The following TMEM123 variants were observed in gnomAD, a reference collection of about 807,000 sequenced individuals.
TMEM123 encodes the protein transmembrane protein 123.
In TMEM123, 16 loss-of-function variants were observed where a neutral mutation model predicts 19.7. That is an observed-to-expected ratio of 0.81 (90% confidence interval 0.55 to 1.23). The LOEUF is 1.23. Among genes scored for constraint, TMEM123 ranks in the 50% most tolerant of loss-of-function variants. The pLI is 0.00. For synonymous variants in TMEM123, 118 were observed against 99.4 expected (o/e 1.19, Z -1.12); for missense variants, 313 against 257.8 (o/e 1.21, Z -1.47).
chr11:102,405,881 A>G (rs1475415366), intron 2 of TMEM123, among the ~76,000 whole-genome samples: 1 of 152,248 alleles, frequency 6.6e-6, no homozygotes, highest in Non-Finnish European at 1.5e-5. Flanking sequence ...AACAGGCAAA[A>G]GGAAATTTTG....
At position 102,398,657 on chromosome 11, in the gene TMEM123, C is replaced by T. The variant is rs1204078264; in HGVS notation, c.*210G>A. ...GAACTTGCTAAAACCATTGTATGAA[C>T]GGTCTATAAGGATCCAGATGTTTAT... On this transcript the variant is annotated 3_prime_UTR_variant, in exon 5 of 5. Coordinates refer to ENST00000398136, the MANE Select transcript of TMEM123 (RefSeq NM_052932.3). 1.8e-4 allele frequency: 72 copies of T among 406,702 alleles called. No individual in the cohort carries two copies. The highest frequency in any genetic ancestry group is 2.2e-4 in the Non-Finnish European group (58 of 260,906). The allele number at this position is 406,702 out of a possible 1,614,324, so 25.2% of individuals were successfully genotyped here.
At chr11:102,437,791 G>A (rs1436749755) in intron 2 of TMEM123, among the ~76,000 whole-genome samples, 2 of 152,038 alleles carry the variant, frequency 1.3e-5, no homozygotes, top group African/African-American at 4.8e-5. Flanking sequence ...TGTCTGCTGG[G>A]GCCTGCTCTG....
intron 2 of TMEM123, among the ~76,000 whole-genome samples, chr11:102,448,557 A>C (rs1857906890): frequency 6.6e-6 from 1 of 152,234 alleles, no homozygotes; most frequent in African/African-American, 2.4e-5. Flanking sequence ...TCAAAAATTC[A>C]TAACATGAAA....
intron 2 of TMEM123, among the ~76,000 whole-genome samples, chr11:102,420,343 T>C (rs145350341): frequency 3.3e-4 from 50 of 152,370 alleles, no homozygotes; most frequent in African/African-American, 9.9e-4. Flanking sequence ...TGTCTAGGCA[T>C]AGATCTGACC....
chr11:102,405,055 C>CTT (rs564579359), intron 2 of TMEM123, among the ~76,000 whole-genome samples: 13 of 144,480 alleles, frequency 9.0e-5, no homozygotes, highest in African/African-American at 2.8e-4. Context: ...TTTCTTTTTT[C>CTT]TTTTTTTTTT....
At chr11:102,407,212 C>A (rs1042442225) in intron 2 of TMEM123, among the ~76,000 whole-genome samples, 1 of 152,228 alleles carries the variant, frequency 6.6e-6, no homozygotes, top group Non-Finnish European at 1.5e-5. Flanking sequence ...AGCTTTGCCA[C>A]TGCAAGGCTT....
chr11:102,419,696 C>A (rs985387031), intron 2 of TMEM123, among the ~76,000 whole-genome samples: 2 of 152,162 alleles, frequency 1.3e-5, no homozygotes, highest in African/African-American at 2.4e-5. Flanking sequence ...GAATAAGGAA[C>A]AGATTTATTT....
chr11:102,420,976 G>A (rs1277881348), intron 2 of TMEM123, among the ~76,000 whole-genome samples: 2 of 152,218 alleles, frequency 1.3e-5, no homozygotes, highest in African/African-American at 4.8e-5. Context: ...GAACTCAGGA[G>A]GCGGAGGTTG....
At chr11:102,429,336 CT>C (rs1374887074) in intron 2 of TMEM123, among the ~76,000 whole-genome samples, 2 of 152,188 alleles carry the variant, frequency 1.3e-5, no homozygotes, top group African/African-American at 4.8e-5. Context: ...TCTTCCTGCT[CT>C]TTTCTCTTCT....
Position 102,435,471 on chromosome 11 carries a change from C to A in TMEM123, c.157+13341G>T, listed in dbSNP as rs182568484. On this transcript the variant is annotated intron_variant, in intron 2 of 4. Coordinates refer to ENST00000398136, the MANE Select transcript of TMEM123 (RefSeq NM_052932.3). ...GTGAGGATATGAAGAAAATAAAACCCTTATACACTGCTGGTGTGTATCTAA... is the reference window on the plus strand; with the variant it reads ...GTGAGGATATGAAGAAAATAAAACCATTATACACTGCTGGTGTGTATCTAA... 2.2e-4 allele frequency among the ~76,000 whole-genome samples: 34 copies of A among 152,000 alleles called. 2 individuals are homozygous for A. The highest frequency in any genetic ancestry group is 7.2e-4 in the Admixed American group (11 of 15,218).
At chr11:102,406,401 G>A (rs1951955511) in intron 2 of TMEM123, among the ~76,000 whole-genome samples, 1 of 152,134 alleles carries the variant, frequency 6.6e-6, no homozygotes. Context: ...CAGACAGTAG[G>A]ATTTGATTCA....
intron 2 of TMEM123, among the ~76,000 whole-genome samples, chr11:102,425,724 C>CAG (rs1952121204): frequency 1.3e-5 from 2 of 152,048 alleles, no homozygotes; most frequent in South Asian, 4.2e-4. Context: ...GCTGAGGCTA[C>CAG]AGGCATGTGC....
At chr11:102,410,111 C>T (rs1280535370) in intron 2 of TMEM123, among the ~76,000 whole-genome samples, 1 of 152,158 alleles carries the variant, frequency 6.6e-6, no homozygotes, top group Non-Finnish European at 1.5e-5. Flanking sequence ...TTTACTACCA[C>T]ATTTTAGTTA....
chr11:102,444,451 C>T (rs1220318488), intron 2 of TMEM123, among the ~76,000 whole-genome samples: 1 of 150,538 alleles, frequency 6.6e-6, no homozygotes, highest in Non-Finnish European at 1.5e-5. Context: ...AAGGAAGAAA[C>T]CAAATACCGT....
intron 2 of TMEM123, among the ~76,000 whole-genome samples, chr11:102,438,502 C>T (rs555252976): frequency 1.2e-4 from 18 of 152,294 alleles, no homozygotes; most frequent in South Asian, 2.1e-4. Flanking sequence ...CAGTGACTAA[C>T]GGAGTGGGCA....
chr11:102,438,349 GTTTA>G (rs1316361331), intron 2 of TMEM123, among the ~76,000 whole-genome samples: 2 of 152,130 alleles, frequency 1.3e-5, no homozygotes, highest in Non-Finnish European at 2.9e-5. Flanking sequence ...ACCGTGCCCA[GTTTA>G]TTTATTTTTA....
intron 2 of TMEM123, among the ~76,000 whole-genome samples, chr11:102,424,220 C>T (rs887674792): frequency 6.6e-6 from 1 of 152,150 alleles, no homozygotes; most frequent in Non-Finnish European, 1.5e-5. Context: ...AAGACCCCTA[C>T]GTATTTATAA....
rs1951916419 is a variant in TMEM123 at position 102,401,911 on chromosome 11, C to G, written c.448+5G>C. Reference sequence around the variant, plus strand: ...AGGAAAAAAAAGGTCAGCTTTAATACATACTTGTTACTGATGAAGCAGCAG... The same window carrying G: ...AGGAAAAAAAAGGTCAGCTTTAATAGATACTTGTTACTGATGAAGCAGCAG... On this transcript the variant is annotated splice_donor_5th_base_variant and intron_variant, in intron 3 of 4. Transcript: ENST00000398136. 6.2e-7 allele frequency: 1 copy of G among 1,612,278 alleles called. No homozygotes were observed. Among genetic ancestry groups the G allele is most frequent in the Non-Finnish European group, 8.5e-7 (1 of 1,178,908 alleles).
At chr11:102,409,364 A>C (rs1051969122) in intron 2 of TMEM123, among the ~76,000 whole-genome samples, 3 of 152,126 alleles carry the variant, frequency 2.0e-5, no homozygotes, top group African/African-American at 7.2e-5. Flanking sequence ...AACCTTGAGA[A>C]TCTCTTTCCT....
Sources: gnomAD v4.1 joint callset for allele counts (sites outside exome capture counted in the v4.1 genomes callset) on GRCh38, gnomAD v4.1.1 for gene constraint, MANE v1.5 for transcripts, NCBI Gene and HGNC (gene_info 2026-07-23, HGNC 2026-07-21) for gene names.